The following TBC1D22A variants were observed in gnomAD, a reference collection of about 807,000 sequenced individuals.
The protein encoded by TBC1D22A is putative GTPase activator.
A neutral mutation model predicts 60.2 loss-of-function variants in TBC1D22A; 38 were observed. The ratio of observed to expected loss-of-function variants is 0.63; its 90% CI spans 0.49 to 0.83. TBC1D22A has a LOEUF of 0.83. TBC1D22A is among the 40% of genes least tolerant of loss of function. The pLI is 0.00. For missense variants in TBC1D22A, 628 were observed against 701.0 expected, an observed-to-expected ratio of 0.90 and a Z score of 1.18; for synonymous variants, 302 against 281.7, an observed-to-expected ratio of 1.07 and a Z score of -0.72.
chr22:46,798,649 C>T (rs889233398), intron 4 of TBC1D22A, among the ~76,000 whole-genome samples: 2 of 152,242 alleles, frequency 1.3e-5, no homozygotes, highest in Admixed American at 6.5e-5. Context: ...CTGGAGCTCT[C>T]GGGAGGACCG....
At chr22:47,135,250 T>C (rs1201589867) in intron 12 of TBC1D22A, among the ~76,000 whole-genome samples, 2 of 152,172 alleles carry the variant, frequency 1.3e-5, no homozygotes, top group African/African-American at 4.8e-5. Flanking sequence ...GTCATCCCAG[T>C]TAATCCCACG....
Position 47,155,497 on chromosome 22 carries a change from G to A in TBC1D22A, c.1426-18001G>A, listed in dbSNP as rs554875669. Among the ~76,000 whole-genome samples, 13 of 152,372 alleles carry A rather than the reference G, an allele frequency of 8.5e-5. No homozygotes were observed. In the East Asian group the frequency reaches 2.5e-3, roughly 29 times the overall value. On this transcript the variant is annotated intron_variant, in intron 12 of 12. Coordinates refer to ENST00000337137, the MANE Select transcript of TBC1D22A (RefSeq NM_014346.5). ...TCCGGGCTCCCAGGATGGTCTGGGA[G>A]TGGGAGAGAGGGAGGGAGGTGGGAG...
At chr22:46,853,262 C>T (rs758347094) in intron 4 of TBC1D22A, among the ~76,000 whole-genome samples, 3 of 152,160 alleles carry the variant, frequency 2.0e-5, no homozygotes, top group Non-Finnish European at 4.4e-5. Flanking sequence ...TTCTCACCTG[C>T]TGTGGTGGGG....
Position 47,015,585 on chromosome 22 carries a change from T to G in TBC1D22A, c.1201+17876T>G, listed in dbSNP as rs563873337. On this transcript the variant is annotated intron_variant, in intron 10 of 12. Transcript: ENST00000337137. ...CTCCAGAAGGAATTGTTTCTTGTCT[T>G]GCGACCACACACATATAATTGTTCT... 6.2e-4 allele frequency among the ~76,000 whole-genome samples: 95 copies of G among 152,328 alleles called. No homozygotes were observed. In the South Asian group the frequency reaches 9.1e-3, roughly 15 times the overall value.
chr22:46,921,073 T>A (rs766779243), intron 8 of TBC1D22A, among the ~76,000 whole-genome samples: 2 of 152,192 alleles, frequency 1.3e-5, no homozygotes, highest in Admixed American at 6.5e-5. Context: ...GCCCGGCTAC[T>A]ATGTTGTTAT....
In TBC1D22A at chr22:46,792,545, C is replaced by A. The variant is rs769506883; in HGVS notation, c.88C>A (p.His30Asn). 1.9e-5 allele frequency: 30 copies of A among 1,614,260 alleles called. No individual in the cohort carries two copies. Among genetic ancestry groups the A allele is most frequent in the Non-Finnish European group, 2.5e-5 (30 of 1,180,046 alleles). Reference protein sequence around the residue: ...GSIQHVYGAQHPPFDPLLHGT... With the variant: ...GSIQHVYGAQNPPFDPLLHGT... ...CATCCAGCACGTGTATGGTGCCCAG[C>A]ACCCCCCCTTTGATCCACTGTTACA... The change falls in exon 2 of 13, where the codon CAC (histidine) becomes AAC (asparagine). Residue 30 changes from histidine to asparagine, a missense_variant. Physicochemically the swap from His to Asn is moderately conservative, Grantham distance 68. Coordinates refer to ENST00000337137, the MANE Select transcript of TBC1D22A (RefSeq NM_014346.5).
chr22:46,952,360 T>C (rs1229159618), intron 8 of TBC1D22A, among the ~76,000 whole-genome samples: 4 of 152,086 alleles, frequency 2.6e-5, no homozygotes, highest in African/African-American at 9.7e-5. Context: ...CTTCTCCCCT[T>C]TCATCCTGCG....
intron 1 of TBC1D22A, among the ~76,000 whole-genome samples, chr22:46,786,603 A>G (rs908334641): frequency 6.6e-6 from 1 of 152,206 alleles, no homozygotes; most frequent in Non-Finnish European, 1.5e-5. Context: ...TTCTTTATCT[A>G]TTTGGTAGAA....
chr22:46,892,107 T>G (rs2068437191), intron 6 of TBC1D22A, among the ~76,000 whole-genome samples: 1 of 152,190 alleles, frequency 6.6e-6, no homozygotes, highest in South Asian at 2.1e-4. Flanking sequence ...TTGTAATATG[T>G]GAAAGGTCAA....
chr22:46,860,283 C>T (rs2087790581), intron 4 of TBC1D22A, among the ~76,000 whole-genome samples: 2 of 54,212 alleles, frequency 3.7e-5, no homozygotes, highest in South Asian at 8.0e-4. Flanking sequence ...TGCCCCTTCC[C>T]GGGACCAGAA....
intron 4 of TBC1D22A, among the ~76,000 whole-genome samples, chr22:46,820,330 C>T (rs12170060): frequency 0.014 from 2,058 of 152,060 alleles, 37 homozygotes; most frequent in African/African-American, 0.047. Context: ...GATGTTAGGG[C>T]GTCGATTTGA....
intron 5 of TBC1D22A, among the ~76,000 whole-genome samples, chr22:46,885,690 C>A (rs1014580299): frequency 6.6e-6 from 1 of 152,058 alleles, no homozygotes; most frequent in African/African-American, 2.4e-5. Flanking sequence ...CACTGCCCCC[C>A]CTTGTAATTT....
intron 12 of TBC1D22A, among the ~76,000 whole-genome samples, chr22:47,160,201 A>G (rs6007614): frequency 0.67 from 101,275 of 152,110 alleles, 34,422 homozygotes; most frequent in African/African-American, 0.79. Flanking sequence ...GCTGGGAATC[A>G]CGTGTGGACA....
intron 11 of TBC1D22A, among the ~76,000 whole-genome samples, chr22:47,098,077 AAG>A (rs1215776287): frequency 2.0e-5 from 3 of 152,186 alleles, no homozygotes; most frequent in Admixed American, 6.5e-5. Context: ...AAAAAAGAAA[AAG>A]AAAAAAAATC....
chr22:46,788,187 C>T (rs529149304), intron 1 of TBC1D22A, among the ~76,000 whole-genome samples: 1 of 152,068 alleles, frequency 6.6e-6, no homozygotes, highest in Non-Finnish European at 1.5e-5. Context: ...CCACCCGCCT[C>T]GGCCTCCCAA....
intron 8 of TBC1D22A, among the ~76,000 whole-genome samples, chr22:46,965,710 G>C (rs1472785508): frequency 6.6e-6 from 1 of 152,238 alleles, no homozygotes; most frequent in African/African-American, 2.4e-5. Flanking sequence ...CATCTCGGCA[G>C]CAGGCACGAC....
At chr22:46,954,558 C>T (rs768072748) in intron 8 of TBC1D22A, among the ~76,000 whole-genome samples, 1 of 152,172 alleles carries the variant, frequency 6.6e-6, no homozygotes, top group East Asian at 1.9e-4. Context: ...GCACAGCCCT[C>T]ATGACGTCAC....
chr22:46,789,893 G>C (rs1030039099), intron 1 of TBC1D22A, among the ~76,000 whole-genome samples: 1 of 152,158 alleles, frequency 6.6e-6, no homozygotes, highest in Non-Finnish European at 1.5e-5. Context: ...ACTAGCACAC[G>C]GCAATGTTTA....
At chr22:46,898,806 C>G (rs1248794970) in intron 7 of TBC1D22A, among the ~76,000 whole-genome samples, 1 of 152,184 alleles carries the variant, frequency 6.6e-6, no homozygotes, top group Non-Finnish European at 1.5e-5. Context: ...CATCGTGTAG[C>G]CATCTTATTT....
Sources: gnomAD v4.1 joint callset for allele counts (sites outside exome capture counted in the v4.1 genomes callset) on GRCh38, gnomAD v4.1.1 for gene constraint, MANE v1.5 for transcripts, NCBI Gene and HGNC (gene_info 2026-07-23, HGNC 2026-07-21) for gene names.